MPP7: variants seen among roughly 807,000 people sequenced by gnomAD.
MPP7 encodes the protein MAGUK p55 subfamily member 7.
MPP7 carries 60 observed loss-of-function variants against 76.5 expected under a neutral mutation model. The ratio of observed to expected loss-of-function variants is 0.78; its 90% CI spans 0.64 to 0.97. The LOEUF (loss-of-function observed/expected upper bound fraction) is 0.97, where lower values mean the gene tolerates loss of function less well. MPP7 is among the 50% of genes least tolerant of loss of function. The pLI is 0.00. For synonymous variants in MPP7, 237 were observed against 244.5 expected (o/e 0.97, Z 0.29); for missense variants, 641 against 694.0 (o/e 0.92, Z 0.86).
At chr10:28,272,277 T>C (rs1840350810) in intron 1 of MPP7, among the ~76,000 whole-genome samples, 1 of 152,188 alleles carries the variant, frequency 6.6e-6, no homozygotes, top group South Asian at 2.1e-4. Context: ...CCAGGGAAAA[T>C]TATTTGTAAA....
At chr10:28,136,936 T>C (rs1350945196) in intron 5 of MPP7, among the ~76,000 whole-genome samples, 1 of 152,242 alleles carries the variant, frequency 6.6e-6, no homozygotes, top group East Asian at 1.9e-4. Flanking sequence ...GGAAACTATT[T>C]AAAGAAATAT....
chr10:28,235,433 T>C (rs1839041776), intron 2 of MPP7, among the ~76,000 whole-genome samples: 1 of 152,120 alleles, frequency 6.6e-6, no homozygotes. Flanking sequence ...AAAAATTAAA[T>C]ATAATCAACA....
At chr10:28,067,910 T>C (rs1284998073) in intron 13 of MPP7, among the ~76,000 whole-genome samples, 1 of 152,190 alleles carries the variant, frequency 6.6e-6, no homozygotes. Context: ...CTATCATCTA[T>C]GGAACTCAAG....
At chr10:28,213,033 A>G (rs7893304) in intron 2 of MPP7, among the ~76,000 whole-genome samples, 43,133 of 151,898 alleles carry the variant, frequency 0.28, 6,881 homozygotes, top group East Asian at 0.54. Flanking sequence ...TTGACCTCCT[A>G]GGCTCAGGTA....
intron 16 of MPP7, 45 bp from the exon 17 acceptor site, chr10:28,054,289 T>C: frequency 6.2e-6 from 7 of 1,136,922 alleles, no homozygotes; most frequent in Non-Finnish European, 9.0e-6. Flanking sequence ...ACCAGGCCAT[T>C]ACCTCACTTC....
At chr10:28,281,533 G>C (rs756338603) in intron 1 of MPP7, among the ~76,000 whole-genome samples, 3 of 152,134 alleles carry the variant, frequency 2.0e-5, no homozygotes, top group African/African-American at 4.8e-5. Context: ...AGTAGGAAGA[G>C]ATGACAATAT....
chr10:28,315,597 A>AG (rs1361736333), intron 2 of MPP7, among the ~76,000 whole-genome samples: 7 of 152,174 alleles, frequency 4.6e-5, no homozygotes, highest in Non-Finnish European at 1.0e-4. Context: ...AGTTGTTGAA[A>AG]GCTACAGGAA....
At chr10:28,331,501 T>C (rs1212925512) in intron 1 of MPP7, among the ~76,000 whole-genome samples, 1 of 152,202 alleles carries the variant, frequency 6.6e-6, no homozygotes, top group Non-Finnish European at 1.5e-5. Context: ...CAGCCTGTGA[T>C]GAGAGTTATA....
At chr10:28,266,045 C>T (rs1272682353) in intron 1 of MPP7, among the ~76,000 whole-genome samples, 3 of 152,008 alleles carry the variant, frequency 2.0e-5, no homozygotes, top group Non-Finnish European at 4.4e-5. Flanking sequence ...CTGCAACCTC[C>T]GCCTCCCGAG....
chr10:28,309,578 A>C lies in MPP7; in HGVS notation c.-132+20351T>G, dbSNP rs146320316. On this transcript the variant is annotated intron_variant, in intron 2 of 11. Transcript: ENST00000441595. ...CACTCCCCCTTGTTACAAGCTCATA[A>C]ACCCAACCAAGTTAGACTGCAGGTT... Among the ~76,000 whole-genome samples, 301 of 152,274 alleles carry C rather than the reference A, an allele frequency of 2.0e-3. 1 individual carries two copies. Among genetic ancestry groups the C allele is most frequent in the African/African-American group, 7.0e-3 (289 of 41,550 alleles).
At chr10:28,217,387 G>A (rs1182040133) in intron 2 of MPP7, among the ~76,000 whole-genome samples, 1 of 151,668 alleles carries the variant, frequency 6.6e-6, no homozygotes, top group East Asian at 1.9e-4. Flanking sequence ...ATATTAGCTG[G>A]GTGTACTGGT....
Position 28,186,347 on chromosome 10 carries a change from G to GAA in MPP7, c.156+15804_156+15805dup, listed in dbSNP as rs34114065. On this transcript the variant is annotated intron_variant, in intron 3 of 16. Coordinates refer to ENST00000683449, the MANE Select transcript of MPP7 (RefSeq NM_001318170.2). ...GGTGACAGAGCAAGACTCCATCTCA[G>GAA]AAAAAAAAAAAAGAGAAAGAAAGAG... 4.2e-3 allele frequency among the ~76,000 whole-genome samples: 569 copies of GAA among 134,822 alleles called. 3 individuals are homozygous for GAA. Among genetic ancestry groups the GAA allele is most frequent in the African/African-American group, 0.014 (489 of 35,232 alleles). 88.4% of individuals were successfully genotyped at this position (134,822 alleles called of 152,430 possible). A position where few individuals can be genotyped will look rare whatever the true frequency, so the allele number is the denominator to read the frequency against.
chr10:28,309,958 A>G (rs1335749832), intron 2 of MPP7, among the ~76,000 whole-genome samples: 1 of 150,590 alleles, frequency 6.6e-6, no homozygotes, highest in Non-Finnish European at 1.5e-5. Flanking sequence ...TGCTGGCGCC[A>G]TGCTCATCCA....
intron 2 of MPP7, among the ~76,000 whole-genome samples, chr10:28,327,622 C>T (rs1564773836): frequency 6.6e-6 from 1 of 152,084 alleles, no homozygotes; most frequent in Non-Finnish European, 1.5e-5. Context: ...AATCTAGCTC[C>T]TATTGTTCCA....
chr10:28,095,801 G>A (rs1853542604), intron 11 of MPP7, among the ~76,000 whole-genome samples: 1 of 152,172 alleles, frequency 6.6e-6, no homozygotes, highest in South Asian at 2.1e-4. Context: ...TAAGGGAACA[G>A]TTTTACATAA....
At chr10:28,063,988 G>C (rs1007959434) in intron 13 of MPP7, among the ~76,000 whole-genome samples, 4 of 152,210 alleles carry the variant, frequency 2.6e-5, no homozygotes, top group African/African-American at 9.6e-5. Flanking sequence ...TACGCTACTA[G>C]AGGTTTGTAA....
chr10:28,076,845 G>A (rs946108378), intron 12 of MPP7, among the ~76,000 whole-genome samples: 2 of 151,248 alleles, frequency 1.3e-5, no homozygotes, highest in African/African-American at 4.9e-5. Context: ...CTGAGATGGC[G>A]CCATTGCGAT....
intron 1 of MPP7, among the ~76,000 whole-genome samples, chr10:28,296,059 C>G (rs928640440): frequency 3.3e-5 from 5 of 152,148 alleles, no homozygotes; most frequent in Non-Finnish European, 7.4e-5. Flanking sequence ...AAATTTAAAA[C>G]ATAAAATTGA....
At chr10:28,226,474 T>G (rs1285767158) in intron 2 of MPP7, among the ~76,000 whole-genome samples, 1 of 152,174 alleles carries the variant, frequency 6.6e-6, no homozygotes, top group Non-Finnish European at 1.5e-5. Context: ...CTCGAACTTC[T>G]GACCTCAGGT....
Sources: gnomAD v4.1 joint callset for allele counts (sites outside exome capture counted in the v4.1 genomes callset) on GRCh38, gnomAD v4.1.1 for gene constraint, MANE v1.5 for transcripts, NCBI Gene and HGNC (gene_info 2026-07-23, HGNC 2026-07-21) for gene names.